KIF26B: variants seen among roughly 807,000 people sequenced by gnomAD.
KIF26B encodes kinesin family member 26B.
A neutral mutation model predicts 151.2 loss-of-function variants in KIF26B; 63 were observed. The ratio of observed to expected loss-of-function variants is 0.42; its 90% CI spans 0.34 to 0.51. KIF26B has a LOEUF of 0.51. KIF26B is among the 20% of genes least tolerant of loss of function. KIF26B has a pLI of 0.07. For synonymous variants in KIF26B, 1,357 were observed against 1,262.1 expected, an observed-to-expected ratio of 1.08 and a Z score of -1.59; for missense variants, 2,813 against 2,913.6, an observed-to-expected ratio of 0.97 and a Z score of 0.79.
chr1:245,510,661 C>G (rs1660814707), intron 4 of KIF26B, among the ~76,000 whole-genome samples: 1 of 149,460 alleles, frequency 6.7e-6, no homozygotes, highest in South Asian at 2.2e-4. Flanking sequence ...CTGCCTCTGC[C>G]CCTCCCTCCC....
chr1:245,543,566 G>A (rs1464205222), intron 5 of KIF26B, among the ~76,000 whole-genome samples: 2 of 152,182 alleles, frequency 1.3e-5, no homozygotes, highest in East Asian at 3.9e-4. Context: ...TGGCAGCTGA[G>A]GCCACCCTCC....
At chr1:245,578,038 C>T (rs1300137875) in intron 5 of KIF26B, among the ~76,000 whole-genome samples, 1 of 152,166 alleles carries the variant, frequency 6.6e-6, no homozygotes, top group African/African-American at 2.4e-5. Context: ...ATCCCCTAAC[C>T]GGAAGAGCTT....
chr1:245,518,431 A>T (rs1661017806), intron 4 of KIF26B, among the ~76,000 whole-genome samples: 1 of 152,216 alleles, frequency 6.6e-6, no homozygotes, highest in African/African-American at 2.4e-5. Context: ...CATTTCTAAA[A>T]ATCCTTGCTT....
intron 4 of KIF26B, among the ~76,000 whole-genome samples, chr1:245,489,211 T>A (rs1172116928): frequency 6.6e-6 from 1 of 152,224 alleles, no homozygotes; most frequent in Non-Finnish European, 1.5e-5. Context: ...TTTTCTTGAA[T>A]AAACTTATTG....
chr1:245,298,588 C>T (rs1178620124), intron 2 of KIF26B, among the ~76,000 whole-genome samples: 1 of 152,192 alleles, frequency 6.6e-6, no homozygotes. Flanking sequence ...ATGTATGAAC[C>T]ACTGCATTAA....
intron 2 of KIF26B, among the ~76,000 whole-genome samples, chr1:245,183,059 C>T (rs748366549): frequency 8.5e-5 from 13 of 152,178 alleles, no homozygotes; most frequent in Non-Finnish European, 1.5e-4. Flanking sequence ...CACTAATGAC[C>T]GATGAGGTAT....
chr1:245,404,209 A>ATTTT (rs11455837), intron 3 of KIF26B, among the ~76,000 whole-genome samples: 1 of 147,814 alleles, frequency 6.8e-6, no homozygotes. Context: ...AACAAGACTG[A>ATTTT]TTTTTTTTTT....
In KIF26B at chr1:245,260,924, T is replaced by C. The variant is rs542965698; in HGVS notation, c.465+104241T>C. Among the ~76,000 whole-genome samples, 122 of 152,344 alleles carry C rather than the reference T, an allele frequency of 8.0e-4. 1 individual carries two copies. In the South Asian group the frequency reaches 0.012, roughly 15 times the overall value. On this transcript the variant is annotated intron_variant, in intron 2 of 14. Coordinates refer to ENST00000407071, the MANE Select transcript of KIF26B (RefSeq NM_018012.4). ...GGACATAGCTCTCTGTAGATGCTTA[T>C]TGATGACTGATTGGCTAACAGATGC... is the stretch of plus-strand genomic sequence containing the variant.
intron 4 of KIF26B, among the ~76,000 whole-genome samples, chr1:245,441,960 A>C (rs949648670): frequency 6.6e-6 from 1 of 152,252 alleles, no homozygotes; most frequent in African/African-American, 2.4e-5. Flanking sequence ...CTGCAGAGGC[A>C]TCTGGCCCTT....
At chr1:245,448,554 A>G (rs1391666520) in intron 4 of KIF26B, among the ~76,000 whole-genome samples, 1 of 152,208 alleles carries the variant, frequency 6.6e-6, no homozygotes, top group Admixed American at 6.5e-5. Flanking sequence ...GTATTTTGTT[A>G]TAGCAGCAGG....
intron 2 of KIF26B, among the ~76,000 whole-genome samples, chr1:245,194,645 T>C (rs1669162609): frequency 6.6e-6 from 1 of 152,156 alleles, no homozygotes; most frequent in African/African-American, 2.4e-5. Flanking sequence ...CCCAAAGTGC[T>C]GGGATTACAG....
In KIF26B at chr1:245,318,926, A is replaced by C. The variant is rs771949879; in HGVS notation, c.466-47908A>C. Among the ~76,000 whole-genome samples the C allele has an allele frequency of 1.3e-5, 2 of 152,140 alleles. No individual in the cohort carries two copies. Among genetic ancestry groups the C allele is most frequent in the Non-Finnish European group, 2.9e-5 (2 of 68,012 alleles). On this transcript the variant is annotated intron_variant, in intron 2 of 14. Transcript: ENST00000407071. This position sits in a 1 kb window ranked among gnomAD's most constrained non-coding sequence, Gnocchi z 4.0. ...CCAAAATCTACTGCATTTTACTCCT[A>C]TTTAGGAAGAAGTAAACTTTTGTAA...
intron 4 of KIF26B, among the ~76,000 whole-genome samples, chr1:245,448,182 A>C (rs1558169759): frequency 6.6e-6 from 1 of 152,140 alleles, no homozygotes; most frequent in Non-Finnish European, 1.5e-5. Flanking sequence ...GTGACCAATA[A>C]ATTCCATTTT....
intron 4 of KIF26B, among the ~76,000 whole-genome samples, chr1:245,439,717 T>C (rs1659021981): frequency 6.6e-6 from 1 of 152,188 alleles, no homozygotes; most frequent in Non-Finnish European, 1.5e-5. Flanking sequence ...TTCAAATTAT[T>C]CTTATGAGAT....
At chr1:245,232,029 A>T (rs1670009461) in intron 2 of KIF26B, among the ~76,000 whole-genome samples, 1 of 152,264 alleles carries the variant, frequency 6.6e-6, no homozygotes. Flanking sequence ...TTGTCAAAAT[A>T]ACTGGTGGTT....
intron 5 of KIF26B, among the ~76,000 whole-genome samples, chr1:245,573,292 C>T (rs1162367534): frequency 1.3e-5 from 2 of 152,244 alleles, no homozygotes; most frequent in East Asian, 1.9e-4. Flanking sequence ...TGGAGGCCAA[C>T]GCGGGTGGAT....
chr1:245,603,349 G>A (rs947103), intron 6 of KIF26B, among the ~76,000 whole-genome samples: 51,438 of 151,820 alleles, frequency 0.34, 9,245 homozygotes, highest in East Asian at 0.44. Flanking sequence ...TGTTGTATTC[G>A]CTGAATTGCT....
chr1:245,379,475 ATT>A (rs111967663), intron 3 of KIF26B, among the ~76,000 whole-genome samples: 16 of 140,754 alleles, frequency 1.1e-4, no homozygotes, highest in African/African-American at 1.0e-4. Flanking sequence ...CTAGTTTATG[ATT>A]TTTTTTTTTT....
chr1:245,522,906 C>G (rs1008109629), intron 4 of KIF26B, among the ~76,000 whole-genome samples: 2 of 152,200 alleles, frequency 1.3e-5, no homozygotes, highest in Non-Finnish European at 2.9e-5. Flanking sequence ...GAAAAAATGT[C>G]TAAACGGAGA....
Sources: allele counts gnomAD v4.1 joint callset (sites outside exome capture counted in the v4.1 genomes callset), GRCh38; gene constraint gnomAD v4.1.1; non-coding constraint Gnocchi (gnomAD v3.1); transcripts MANE v1.5; gene names NCBI Gene and HGNC (gene_info 2026-07-23, HGNC 2026-07-21).